The following SHB variants were observed in gnomAD, a reference collection of about 807,000 sequenced individuals.
The protein encoded by SHB is SH2 domain containing adaptor protein B.
A neutral mutation model predicts 52.3 loss-of-function variants in SHB; 20 were observed. That is an observed-to-expected ratio of 0.38 (90% confidence interval 0.27 to 0.56). The LOEUF is 0.56. SHB is among the 20% of genes least tolerant of loss of function. The pLI is 0.71. For synonymous variants in SHB, 397 were observed against 316.5 expected, an observed-to-expected ratio of 1.25 and a Z score of -2.70; for missense variants, 825 against 723.3, an observed-to-expected ratio of 1.14 and a Z score of -1.61.
chr9:37,956,014 T>C lies in SHB; in HGVS notation c.1095A>G (p.Ser365=). ...GCTGGCGCCGCCGGTCCCGCGAAGG[T>C]GAGGGGGATGACTGCCGCTTCTCGT... ...NGNEKRQSSP[S]PSRDRRRQLR... Residue 365 remains serine, a synonymous_variant, in exon 4 of 6, where the codon TCA becomes TCG. Coordinates refer to ENST00000377707, the MANE Select transcript of SHB (RefSeq NM_003028.3). The C allele has an allele frequency of 6.3e-7, 1 of 1,582,688 alleles. No individual in the cohort carries two copies. The highest frequency in any genetic ancestry group is 8.6e-7 in the Non-Finnish European group (1 of 1,164,856).
At chr9:37,988,272 G>T (rs1383529217) in intron 2 of SHB, among the ~76,000 whole-genome samples, 1 of 152,138 alleles carries the variant, frequency 6.6e-6, no homozygotes, top group Non-Finnish European at 1.5e-5. Context: ...CCGCTCACCA[G>T]CTGTGTGACC....
rs569122829 is a variant in SHB, at chr9:38,058,526, G to A, written c.717+9403C>T. On this transcript the variant is annotated intron_variant, in intron 1 of 5. Transcript: ENST00000377707. The stretch of plus-strand genomic sequence containing the variant: ...TGCTTTCAGTGGTCTGCCTGCTGGT[G>A]CCCTCTCTGCTCTAGAATCTCCAGA... Among the ~76,000 whole-genome samples the A allele has an allele frequency of 1.9e-3, 285 of 152,294 alleles. 4 individuals carry two copies. Among genetic ancestry groups the A allele is most frequent in the Admixed American group, 1.3e-3 (20 of 15,300 alleles).
intron 1 of SHB, among the ~76,000 whole-genome samples, chr9:38,041,856 G>A (rs879729780): frequency 6.6e-6 from 1 of 152,212 alleles, no homozygotes; most frequent in Non-Finnish European, 1.5e-5. Flanking sequence ...AAACGCAGCC[G>A]AAGTCGGCTC....
At chr9:38,064,783 G>A (rs1372646916) in intron 1 of SHB, among the ~76,000 whole-genome samples, 1 of 152,196 alleles carries the variant, frequency 6.6e-6, no homozygotes, top group Non-Finnish European at 1.5e-5. Flanking sequence ...GAAAAAGTGG[G>A]CTATGTTAGG....
chr9:38,037,858 A>G (rs2118130700), intron 1 of SHB, among the ~76,000 whole-genome samples: 1 of 152,336 alleles, frequency 6.6e-6, no homozygotes, highest in Middle Eastern at 3.4e-3. Context: ...ATTGGGGGAT[A>G]GCCACAGGCT....
chr9:38,013,279 T>C (rs1821165646), intron 2 of SHB, among the ~76,000 whole-genome samples: 1 of 152,182 alleles, frequency 6.6e-6, no homozygotes. Flanking sequence ...TCAATCAAAT[T>C]GCCCTGCCTT....
At chr9:37,959,735 C>A (rs1446810698) in intron 3 of SHB, among the ~76,000 whole-genome samples, 1 of 152,160 alleles carries the variant, frequency 6.6e-6, no homozygotes. Context: ...AATCTCTTCA[C>A]CTCACTAATA....
chr9:37,929,229 GGCTCGCCAGGT>G (rs1487368373), intron 5 of SHB, among the ~76,000 whole-genome samples: 15 of 152,370 alleles, frequency 9.8e-5, no homozygotes, highest in Middle Eastern at 3.4e-3. Flanking sequence ...AGGGAAGCAA[GGCTCGCCAGGT>G]GCGGAGGTGC....
intron 5 of SHB, among the ~76,000 whole-genome samples, chr9:37,944,945 C>A (rs1832475535): frequency 6.6e-6 from 1 of 152,222 alleles, no homozygotes; most frequent in African/African-American, 2.4e-5. Context: ...AAGACACAGG[C>A]TGGCCTGGCC....
Position 37,948,767 on chromosome 9 carries a change from C to A in SHB, c.1227-13G>T. 1 of 1,613,444 alleles carries A rather than the reference C, an allele frequency of 6.2e-7. No individual in the cohort carries two copies. The highest frequency in any genetic ancestry group is 2.2e-5 in the East Asian group (1 of 44,868). On this transcript the variant is annotated splice_polypyrimidine_tract_variant and intron_variant, in intron 4 of 5. Transcript: ENST00000377707. ...TCCGTGATACCATCTGTGGAGAGGG[C>A]AGAGAGTGGTCAGAGCCCAGCGCGA...
intron 1 of SHB, among the ~76,000 whole-genome samples, chr9:38,048,373 CAGCTCAT>C (rs1821686989): frequency 6.6e-6 from 1 of 152,158 alleles, no homozygotes; most frequent in Admixed American, 6.5e-5. Context: ...CCAGTTGCAG[CAGCTCAT>C]GCCAGTAATC....
intron 2 of SHB, among the ~76,000 whole-genome samples, chr9:37,997,706 C>T (rs2118031359): frequency 6.6e-6 from 1 of 152,194 alleles, no homozygotes; most frequent in East Asian, 1.9e-4. Flanking sequence ...TCTGGGCTGT[C>T]CAGCTCCACC....
chr9:38,036,398 A>G lies in SHB; in HGVS notation c.718-20267T>C, dbSNP rs114057740. Among the ~76,000 whole-genome samples, 528 of 152,392 alleles carry G rather than the reference A, an allele frequency of 3.5e-3. 5 individuals are homozygous for G. The highest frequency in any genetic ancestry group is 0.012 in the African/African-American group (502 of 41,596). ...AAACTGTATTTCTTCAGTCCTAACA[A>G]GCGCAGCCACAGCAAACTCTTTACC... On this transcript the variant is annotated intron_variant, in intron 1 of 5. Coordinates refer to ENST00000377707, the MANE Select transcript of SHB (RefSeq NM_003028.3).
chr9:38,033,829 C>T (rs1587255098), intron 1 of SHB, among the ~76,000 whole-genome samples: 4 of 151,446 alleles, frequency 2.6e-5, no homozygotes, highest in Admixed American at 2.6e-4. Flanking sequence ...CCTTTCCTAC[C>T]CAGGAAAAAA....
At chr9:38,029,128 G>C (rs1045211546) in intron 1 of SHB, among the ~76,000 whole-genome samples, 1 of 152,170 alleles carries the variant, frequency 6.6e-6, no homozygotes, top group Non-Finnish European at 1.5e-5. Flanking sequence ...CACAGCCTTT[G>C]CCTTGAAATC....
chr9:37,940,166 C>T (rs1190457336), intron 5 of SHB, among the ~76,000 whole-genome samples: 1 of 152,214 alleles, frequency 6.6e-6, no homozygotes, highest in Non-Finnish European at 1.5e-5. Context: ...ACTCTCCACC[C>T]CCACTGCACC....
chr9:38,010,233 G>A (rs1821122091), intron 2 of SHB, among the ~76,000 whole-genome samples: 1 of 152,206 alleles, frequency 6.6e-6, no homozygotes, highest in South Asian at 2.1e-4. Context: ...GATTAAGTGA[G>A]CTAATCTCTG....
chr9:38,064,092 A>ATT (rs898565541), intron 1 of SHB, among the ~76,000 whole-genome samples: 2 of 142,862 alleles, frequency 1.4e-5, no homozygotes, highest in African/African-American at 2.6e-5. Context: ...TTTTGTCATC[A>ATT]TTTTTTTTTT....
chr9:37,961,370 T>C (rs1832690414), intron 3 of SHB, among the ~76,000 whole-genome samples: 1 of 152,214 alleles, frequency 6.6e-6, no homozygotes, highest in African/African-American at 2.4e-5. Flanking sequence ...CTCTTTCCAC[T>C]GTCCTGTCCA....
Sources: gnomAD v4.1 joint callset for allele counts (sites outside exome capture counted in the v4.1 genomes callset) on GRCh38, gnomAD v4.1.1 for gene constraint, MANE v1.5 for transcripts, NCBI Gene and HGNC (gene_info 2026-07-23, HGNC 2026-07-21) for gene names.